The following ANKRD55 variants were observed in gnomAD, a reference collection of about 807,000 sequenced individuals.
ANKRD55 encodes ankyrin repeat domain-containing protein 55.
In ANKRD55, 41 loss-of-function variants were observed where a neutral mutation model predicts 60.6. That is an observed-to-expected ratio of 0.68 (90% CI 0.53 to 0.88). ANKRD55 has a LOEUF of 0.88. ANKRD55 is among the 40% of genes least tolerant of loss of function. ANKRD55 has a pLI of 0.00. For missense variants in ANKRD55, 732 were observed against 767.6 expected, an observed-to-expected ratio of 0.95 and a Z score of 0.55; for synonymous variants, 264 against 290.3, an observed-to-expected ratio of 0.91 and a Z score of 0.92.
chr5:56,187,142 A>G (rs1758991232), intron 2 of ANKRD55, among the ~76,000 whole-genome samples: 1 of 152,238 alleles, frequency 6.6e-6, no homozygotes, highest in Non-Finnish European at 1.5e-5. Flanking sequence ...AGTATTTAAT[A>G]GAGCTAAAGG....
At chr5:56,151,749 G>A (rs904354586) in intron 6 of ANKRD55, among the ~76,000 whole-genome samples, 1 of 151,408 alleles carries the variant, frequency 6.6e-6, no homozygotes, top group Non-Finnish European at 1.5e-5. Flanking sequence ...AGAGGCGGAG[G>A]TTGCAGTGAG....
At chr5:56,207,561 G>C (rs1759543637) in intron 2 of ANKRD55, among the ~76,000 whole-genome samples, 1 of 152,176 alleles carries the variant, frequency 6.6e-6, no homozygotes, top group Non-Finnish European at 1.5e-5. Flanking sequence ...ACATGGTACA[G>C]ACTATTACTC....
chr5:56,116,939 G>C lies in ANKRD55; in HGVS notation c.798-157C>G, dbSNP rs1408642802. 2.3e-5 allele frequency: 16 copies of C among 709,920 alleles called. No homozygotes were observed. In the Admixed American group the frequency reaches 2.8e-4, roughly 12 times the overall value. The allele number at this position is 709,920 out of a possible 1,614,324, so 44.0% of individuals were successfully genotyped here. On this transcript the variant is annotated intron_variant, in intron 8 of 11. Transcript: ENST00000341048. The stretch of plus-strand genomic sequence containing the variant: ...TAGTAAGTGTTAAATGAGCCCGAAG[G>C]ATGATGGTGGACATGTGTAGGGGCC...
At chr5:56,166,158 T>TTTCTTTCTTCTTTCCTTCCTTCC (rs1554040812) in intron 5 of ANKRD55, among the ~76,000 whole-genome samples, 9 of 72,314 alleles carry the variant, frequency 1.2e-4, no homozygotes, top group Admixed American at 5.9e-4. Flanking sequence ...TTCTTTCTTC[T>TTTCTTTCTTCTTTCCTTCCTTCC]TTCCTTCCTT....
At chr5:56,165,144 A>G (rs1294170416) in intron 5 of ANKRD55, among the ~76,000 whole-genome samples, 2 of 152,242 alleles carry the variant, frequency 1.3e-5, no homozygotes, top group South Asian at 4.1e-4. Context: ...TTAAATCAGT[A>G]TAAAAACCTG....
At chr5:56,197,138 G>A (rs907742656) in intron 2 of ANKRD55, among the ~76,000 whole-genome samples, 2 of 152,134 alleles carry the variant, frequency 1.3e-5, no homozygotes, top group African/African-American at 2.4e-5. Context: ...CAAAAAGCAT[G>A]TTTTAAATCA....
intron 2 of ANKRD55, among the ~76,000 whole-genome samples, chr5:56,196,486 GGT>G (rs1759231379): frequency 6.6e-6 from 1 of 152,042 alleles, no homozygotes; most frequent in South Asian, 2.1e-4. Flanking sequence ...TCAAAATTTG[GGT>G]GTTATTCCCA....
chr5:56,222,972 G>A (rs1760007231), intron 2 of ANKRD55, among the ~76,000 whole-genome samples: 1 of 152,062 alleles, frequency 6.6e-6, no homozygotes, highest in East Asian at 1.9e-4. Flanking sequence ...AGGAAGGCAG[G>A]CCAACATTCA....
At chr5:56,183,919 G>A (rs556543) in intron 2 of ANKRD55, among the ~76,000 whole-genome samples, 1 of 152,196 alleles carries the variant, frequency 6.6e-6, no homozygotes, top group Non-Finnish European at 1.5e-5. Context: ...CGAAGCCAGG[G>A]AGCCCAGAGA....
chr5:56,216,435 A>G (rs61180636), intron 2 of ANKRD55, among the ~76,000 whole-genome samples: 15,144 of 152,222 alleles, frequency 0.099, 1,354 homozygotes, highest in African/African-American at 0.24. Flanking sequence ...AGAGTCACAA[A>G]TCTCTCACTT....
At chr5:56,178,003 T>C (rs1758773591) in intron 3 of ANKRD55, among the ~76,000 whole-genome samples, 1 of 152,168 alleles carries the variant, frequency 6.6e-6, no homozygotes, top group Non-Finnish European at 1.5e-5. Flanking sequence ...TTTACAATTA[T>C]GTATTGATTG....
At chr5:56,210,645 C>G (rs2111873184) in intron 2 of ANKRD55, among the ~76,000 whole-genome samples, 1 of 151,114 alleles carries the variant, frequency 6.6e-6, no homozygotes, top group South Asian at 2.1e-4. Context: ...GCTACAGTTA[C>G]CTTTCCCTGT....
At chr5:56,181,445 CT>C (rs1349828792) in intron 3 of ANKRD55, among the ~76,000 whole-genome samples, 1 of 152,044 alleles carries the variant, frequency 6.6e-6, no homozygotes, top group Middle Eastern at 3.4e-3. Context: ...TTGTCTAAAG[CT>C]TTTTTTGTAT....
intron 2 of ANKRD55, among the ~76,000 whole-genome samples, chr5:56,217,365 G>T (rs911443279): frequency 6.6e-6 from 1 of 152,186 alleles, no homozygotes; most frequent in Non-Finnish European, 1.5e-5. Flanking sequence ...GGAGATTAAT[G>T]TTGTTTTCAT....
At chr5:56,221,056 A>G (rs2111889144) in intron 2 of ANKRD55, among the ~76,000 whole-genome samples, 1 of 152,280 alleles carries the variant, frequency 6.6e-6, no homozygotes. Flanking sequence ...TCTGAAAATC[A>G]ATCACAGAAT....
chr5:56,116,829 T>G, intron 8 of ANKRD55, 47 bp from the exon 9 acceptor site: 1 of 1,479,384 alleles, frequency 6.8e-7, no homozygotes, highest in Non-Finnish European at 9.0e-7. Flanking sequence ...GCATGTGAAT[T>G]GTTCAGGCTG....
At chr5:56,136,522 T>C (rs984900411) in intron 7 of ANKRD55, among the ~76,000 whole-genome samples, 1 of 152,184 alleles carries the variant, frequency 6.6e-6, no homozygotes, top group Non-Finnish European at 1.5e-5. Context: ...TTTCACCAAA[T>C]GGTGCTGAAA....
intron 5 of ANKRD55, among the ~76,000 whole-genome samples, chr5:56,166,752 A>C (rs1758494312): frequency 6.6e-6 from 1 of 152,060 alleles, no homozygotes; most frequent in African/African-American, 2.4e-5. Flanking sequence ...CATGCTCTGA[A>C]GTCACAGTGT....
In ANKRD55 at chr5:56,135,286, G is replaced by T. The variant is rs868198851; in HGVS notation, c.613-8180C>A. Among the ~76,000 whole-genome samples the T allele has an allele frequency of 3.3e-3, 159 of 48,642 alleles. 1 individual carries two copies. The highest frequency in any genetic ancestry group is 0.013 in the African/African-American group (113 of 8,896). The allele number at this position is 48,642 out of a possible 152,430, so 31.9% of individuals were successfully genotyped here. On this transcript the variant is annotated intron_variant, in intron 7 of 11. Coordinates refer to ENST00000341048, the MANE Select transcript of ANKRD55 (RefSeq NM_024669.3). ...TCTTTCCCTCCCTCCCTCCCTGCCT[G>T]CCTGCTTGCTTTCTTTCTTTCTTTC...
Sources: gnomAD v4.1 joint callset for allele counts (sites outside exome capture counted in the v4.1 genomes callset) on GRCh38, gnomAD v4.1.1 for gene constraint, MANE v1.5 for transcripts, NCBI Gene and HGNC (gene_info 2026-07-23, HGNC 2026-07-21) for gene names.